Variants in GRIN2B observed in about 807,000 individuals in gnomAD.
The protein encoded by GRIN2B is glutamate ionotropic receptor NMDA type subunit 2B.
GRIN2B carries 5 observed loss-of-function variants against 114.5 expected under a neutral mutation model. The ratio of observed to expected loss-of-function variants is 0.04; its 90% CI spans 0.02 to 0.09. GRIN2B has a LOEUF of 0.09. Among genes scored for constraint, GRIN2B ranks in the 10% least tolerant of loss-of-function variants. GRIN2B has a pLI of 1.00. For synonymous variants in GRIN2B, 787 were observed against 745.1 expected (o/e 1.06, Z -0.92); for missense variants, 1,108 against 1,943.5 (o/e 0.57, Z 8.08).
intron 3 of GRIN2B, among the ~76,000 whole-genome samples, chr12:13,822,548 AG>A (rs1277236124): frequency 6.6e-6 from 1 of 152,116 alleles, no homozygotes; most frequent in Non-Finnish European, 1.5e-5. Context: ...AAATGAAGGT[AG>A]GGGGTAATAC....
chr12:13,692,760 CTTTTTTTTTTTTTT>C (rs71067718), intron 4 of GRIN2B, among the ~76,000 whole-genome samples: 1 of 52,132 alleles, frequency 1.9e-5, no homozygotes, highest in South Asian at 5.8e-4. Flanking sequence ...TCTTTCTTTT[CTTTTTTTTTTTTTT>C]TTTTTTTTTT....
intron 3 of GRIN2B, among the ~76,000 whole-genome samples, chr12:13,793,780 C>T (rs1442286119): frequency 6.6e-6 from 1 of 152,176 alleles, no homozygotes; most frequent in African/African-American, 2.4e-5. Context: ...ATTCTTCACA[C>T]TCTGTCTTAG....
chr12:13,608,536 G>A, intron 10 of GRIN2B, 67 bp downstream of exon 10: 2 of 1,172,988 alleles, frequency 1.7e-6, no homozygotes, highest in Non-Finnish European at 1.3e-6. Flanking sequence ...GCAGGTACAT[G>A]AGAACTTTGA....
At chr12:13,923,084 ACTT>A (rs905102380) in intron 2 of GRIN2B, among the ~76,000 whole-genome samples, 1 of 151,936 alleles carries the variant, frequency 6.6e-6, no homozygotes, top group African/African-American at 2.4e-5. Flanking sequence ...AATCTAATAT[ACTT>A]CTTTTTTTTT....
At chr12:13,850,103 G>A (rs930864149) in intron 3 of GRIN2B, among the ~76,000 whole-genome samples, 9 of 152,150 alleles carry the variant, frequency 5.9e-5, no homozygotes, top group African/African-American at 2.2e-4. Context: ...CACCAACACT[G>A]ACTGGTAAAG....
At chr12:13,901,763 T>G (rs1866457257) in intron 2 of GRIN2B, among the ~76,000 whole-genome samples, 1 of 152,154 alleles carries the variant, frequency 6.6e-6, no homozygotes, top group Non-Finnish European at 1.5e-5. Context: ...ATCTCATCTT[T>G]TATTTTTAGA....
chr12:13,792,274 A>C (rs1294901958), intron 3 of GRIN2B, among the ~76,000 whole-genome samples: 2 of 152,196 alleles, frequency 1.3e-5, no homozygotes, highest in African/African-American at 2.4e-5. Flanking sequence ...GAAACAGAGG[A>C]GCTCCCTAGA....
At chr12:13,978,903 A>C (rs1863080051) in intron 2 of GRIN2B, among the ~76,000 whole-genome samples, 1 of 152,248 alleles carries the variant, frequency 6.6e-6, no homozygotes, top group Non-Finnish European at 1.5e-5. Flanking sequence ...AGTACATTAA[A>C]ATACTGCCTA....
intron 2 of GRIN2B, among the ~76,000 whole-genome samples, chr12:13,974,961 T>A (rs1258443728): frequency 6.6e-6 from 1 of 151,570 alleles, no homozygotes; most frequent in Admixed American, 6.6e-5. Context: ...AAGAGAGGAA[T>A]CAGTTATGAG....
At chr12:13,584,270 A>G (rs958997463) in intron 10 of GRIN2B, among the ~76,000 whole-genome samples, 3 of 152,094 alleles carry the variant, frequency 2.0e-5, no homozygotes, top group Admixed American at 6.5e-5. Flanking sequence ...TCCCTCACTA[A>G]CTTTGGGCCA....
Position 13,700,802 on chromosome 12 carries a change from A to G in GRIN2B, c.1011-24943T>C, listed in dbSNP as rs148924852. ...AAATAAGTGTTGTTAACTTAACACAATAAGTTTGGAGGTGATTTGCTATGG... is the reference window on the plus strand; with the variant it reads ...AAATAAGTGTTGTTAACTTAACACAGTAAGTTTGGAGGTGATTTGCTATGG... On this transcript the variant is annotated intron_variant, in intron 4 of 13. Coordinates refer to ENST00000609686, the MANE Select transcript of GRIN2B (RefSeq NM_000834.5). Among the ~76,000 whole-genome samples, 107 of 152,340 alleles carry G rather than the reference A, an allele frequency of 7.0e-4. No individual in the cohort carries two copies. In the East Asian group the frequency reaches 8.9e-3, roughly 13 times the overall value.
chr12:13,871,958 C>G (rs1299323203), intron 2 of GRIN2B, among the ~76,000 whole-genome samples: 1 of 152,004 alleles, frequency 6.6e-6, no homozygotes, highest in East Asian at 1.9e-4. Flanking sequence ...TACTCCCTAC[C>G]CTAGTCCTCC....
intron 10 of GRIN2B, among the ~76,000 whole-genome samples, chr12:13,594,392 G>C (rs1287901656): frequency 1.3e-5 from 2 of 152,080 alleles, no homozygotes; most frequent in Non-Finnish European, 2.9e-5. Flanking sequence ...GAAGAAGCTG[G>C]AAACCATCAT....
intron 5 of GRIN2B, among the ~76,000 whole-genome samples, chr12:13,656,673 A>G (rs1391185325): frequency 6.6e-6 from 1 of 152,214 alleles, no homozygotes; most frequent in African/African-American, 2.4e-5. Flanking sequence ...AACAAAGACC[A>G]TGGAACCAAG....
chr12:13,835,182 G>A (rs895722802), intron 3 of GRIN2B, among the ~76,000 whole-genome samples: 5 of 152,150 alleles, frequency 3.3e-5, no homozygotes, highest in East Asian at 1.9e-4. Context: ...GGAAAGGAAC[G>A]CCTCCATCCC....
chr12:13,542,967 A>C lies in GRIN2B; in HGVS notation c.*19816T>G, dbSNP rs940505780. On this transcript the variant is annotated 3_prime_UTR_variant, in exon 14 of 14. Transcript: ENST00000609686. ...ACCATCCTCCCTCCTTTTTAAAAAAAAATAACATGCAACAACCATAAAATC... is the reference window on the plus strand; with the variant it reads ...ACCATCCTCCCTCCTTTTTAAAAAACAATAACATGCAACAACCATAAAATC... The C allele has an allele frequency of 1.3e-5, 2 of 152,058 alleles. No individual in the cohort carries two copies. Among genetic ancestry groups the C allele is most frequent in the African/African-American group, 4.8e-5 (2 of 41,404 alleles). The allele number at this position is 152,058 out of a possible 1,614,324, so 9.4% of individuals were successfully genotyped here. A position where few individuals can be genotyped will look rare whatever the true frequency, so the allele number is the denominator to read the frequency against.
Position 13,914,683 on chromosome 12 carries a change from A to G in GRIN2B, c.-18-48457T>C, listed in dbSNP as rs1166182400. 3.3e-5 allele frequency among the ~76,000 whole-genome samples: 5 copies of G among 152,236 alleles called. No individual in the cohort carries two copies. In the East Asian group the frequency reaches 5.8e-4, roughly 18 times the overall value. ...CTGGAATCAACCTAAATGCCCTTCA[A>G]TGGATGAACAGATAAAGGAAATGTG... On this transcript the variant is annotated intron_variant, in intron 2 of 13. Coordinates refer to ENST00000609686, the MANE Select transcript of GRIN2B (RefSeq NM_000834.5).
chr12:13,852,748 G>A (rs1182319586), intron 3 of GRIN2B, among the ~76,000 whole-genome samples: 1 of 150,558 alleles, frequency 6.6e-6, no homozygotes, highest in Non-Finnish European at 1.5e-5. Flanking sequence ...AGGTCACCGG[G>A]CTCTGAAAGG....
chr12:13,933,283 A>T (rs554081423), intron 2 of GRIN2B, among the ~76,000 whole-genome samples: 1 of 152,280 alleles, frequency 6.6e-6, no homozygotes, highest in African/African-American at 2.4e-5. Flanking sequence ...ACCCCGACTG[A>T]AACACAGGTA....
Sources: gnomAD v4.1 joint callset for allele counts (sites outside exome capture counted in the v4.1 genomes callset) on GRCh38, gnomAD v4.1.1 for gene constraint, MANE v1.5 for transcripts, NCBI Gene and HGNC (gene_info 2026-07-23, HGNC 2026-07-21) for gene names.